Variants in TENM2 observed in about 807,000 individuals in gnomAD.
TENM2 encodes teneurin-2.
Under a neutral mutation model 245.2 loss-of-function variants are expected in TENM2, and 52 were observed. The observed-to-expected ratio is 0.21, with a 90% CI of 0.17 to 0.27. The LOEUF (loss-of-function observed/expected upper bound fraction) is 0.27, where lower values mean the gene tolerates loss of function less well. TENM2 is among the 10% of genes least tolerant of loss of function. The pLI is 1.00. For missense variants in TENM2, 3,046 were observed against 3,666.8 expected, an observed-to-expected ratio of 0.83 and a Z score of 4.37; for synonymous variants, 1,363 against 1,438.9, an observed-to-expected ratio of 0.95 and a Z score of 1.19.
At chr5:167,069,124 A>G in the TENM2 span, among the ~76,000 whole-genome samples, 6 of 152,194 alleles carry the variant, frequency 3.9e-5, no homozygotes. Context: ...TTGTAATATC[A>G]TTCTCTTTAT....
intron 2 of TENM2, among the ~76,000 whole-genome samples, chr5:167,872,247 TG>T (rs1294619155): frequency 1.4e-5 from 2 of 143,154 alleles, no homozygotes; most frequent in Admixed American, 1.5e-4. Context: ...TGCTCCAGCG[TG>T]AGCAACAAGC....
At chr5:167,441,758 A>G (rs759923316) in intron 2 of TENM2, among the ~76,000 whole-genome samples, 9 of 152,216 alleles carry the variant, frequency 5.9e-5, no homozygotes, top group Non-Finnish European at 1.0e-4. Flanking sequence ...TCTCTACTTC[A>G]TAATAATTTT....
At chr5:167,855,361 C>T (rs1319175953) in intron 2 of TENM2, among the ~76,000 whole-genome samples, 2 of 152,142 alleles carry the variant, frequency 1.3e-5, no homozygotes, top group Non-Finnish European at 2.9e-5. Flanking sequence ...ACTCTCCTTA[C>T]CTTTCTCTAC....
intron 2 of TENM2, among the ~76,000 whole-genome samples, chr5:167,813,823 T>A (rs1033876951): frequency 2.0e-5 from 3 of 152,148 alleles, no homozygotes; most frequent in Non-Finnish European, 2.9e-5. Context: ...AATTTTTAAA[T>A]CCTTGAACCT....
At chr5:167,646,491 T>C (rs1325838186) in intron 2 of TENM2, among the ~76,000 whole-genome samples, 1 of 151,558 alleles carries the variant, frequency 6.6e-6, no homozygotes, top group African/African-American at 2.4e-5. Context: ...TAAGAGGTAG[T>C]TCTGAGGAAA....
At chr5:167,370,081 G>C (rs967647636) in intron 1 of TENM2, among the ~76,000 whole-genome samples, 3 of 152,042 alleles carry the variant, frequency 2.0e-5, no homozygotes, top group African/African-American at 7.2e-5. Flanking sequence ...GGTGGCTCAC[G>C]CCTGTAATCC....
chr5:167,021,622 A>C, the TENM2 span, among the ~76,000 whole-genome samples: 2 of 152,240 alleles, frequency 1.3e-5, no homozygotes, highest in African/African-American at 2.4e-5. Context: ...TGTATATAGC[A>C]GATCTTTGTT....
the TENM2 span, among the ~76,000 whole-genome samples, chr5:167,061,657 A>C: frequency 2.0e-5 from 3 of 152,258 alleles, no homozygotes; most frequent in African/African-American, 4.8e-5. Flanking sequence ...AAAGAGTAAA[A>C]AATATTCAAG....
intron 24 of TENM2, 30 bp from the exon 27 acceptor site, chr5:168,227,865 C>A: frequency 7.0e-7 from 1 of 1,428,858 alleles, no homozygotes; most frequent in Non-Finnish European, 9.7e-7. Flanking sequence ...ATTTATTTCC[C>A]TATCCCCACC....
chr5:167,740,176 CT>C (rs915698997), intron 2 of TENM2, among the ~76,000 whole-genome samples: 3 of 152,170 alleles, frequency 2.0e-5, no homozygotes, highest in African/African-American at 7.2e-5. Flanking sequence ...AAGAAATCAC[CT>C]CTCCAAATCG....
chr5:167,291,423 C>CAT (rs1408526610), intron 1 of TENM2, among the ~76,000 whole-genome samples: 1 of 152,232 alleles, frequency 6.6e-6, no homozygotes, highest in Admixed American at 6.5e-5. Context: ...TTCTCATTCT[C>CAT]ATATATTGGC....
the TENM2 span, among the ~76,000 whole-genome samples, chr5:166,988,846 A>T: frequency 6.6e-6 from 1 of 152,162 alleles, no homozygotes; most frequent in Admixed American, 6.5e-5. Flanking sequence ...CTTGCTTCTA[A>T]CGGTCCCTGG....
At chr5:167,398,382 CTTTCTTT>C (rs2127380507) in intron 2 of TENM2, among the ~76,000 whole-genome samples, 1 of 22,966 alleles carries the variant, frequency 4.4e-5, no homozygotes, top group African/African-American at 4.7e-4. Context: ...TTCTTCCTTT[CTTTCTTT>C]CTTTCTTTCT....
At chr5:167,547,865 G>T (rs1288992569) in intron 2 of TENM2, among the ~76,000 whole-genome samples, 2 of 152,176 alleles carry the variant, frequency 1.3e-5, no homozygotes, top group Non-Finnish European at 2.9e-5. Context: ...CAAAGGGAAA[G>T]GTGGAGACAA....
chr5:167,999,023 C>A (rs956130260), intron 5 of TENM2, among the ~76,000 whole-genome samples: 1 of 152,140 alleles, frequency 6.6e-6, no homozygotes, highest in Non-Finnish European at 1.5e-5. Context: ...TCTCACTGAA[C>A]AGAGCAGGTT....
intron 2 of TENM2, among the ~76,000 whole-genome samples, chr5:167,737,031 C>T (rs1439675610): frequency 6.6e-6 from 1 of 152,202 alleles, no homozygotes; most frequent in Non-Finnish European, 1.5e-5. Context: ...GCCATAGAAG[C>T]AGTCCGCCTC....
intron 2 of TENM2, among the ~76,000 whole-genome samples, chr5:167,601,530 C>T (rs544829598): frequency 3.0e-4 from 46 of 152,266 alleles, no homozygotes; most frequent in Non-Finnish European, 5.4e-4. Context: ...ACATTTACTC[C>T]GTGAGCTTCA....
At chr5:167,593,423 T>G (rs1276403993) in intron 2 of TENM2, among the ~76,000 whole-genome samples, 1 of 152,206 alleles carries the variant, frequency 6.6e-6, no homozygotes, top group Middle Eastern at 3.2e-3. Context: ...GTCATTTTCT[T>G]ATGAACATAA....
intron 5 of TENM2, among the ~76,000 whole-genome samples, chr5:168,042,971 C>T (rs1326168226): frequency 3.3e-5 from 5 of 152,284 alleles, no homozygotes; most frequent in South Asian, 4.1e-4. Context: ...CTCTCTGAAG[C>T]GGAGCCTGTC....
Sources: gnomAD v4.1 joint callset for allele counts (sites outside exome capture counted in the v4.1 genomes callset) on GRCh38, gnomAD v4.1.1 for gene constraint, MANE v1.5 for transcripts, NCBI Gene and HGNC (gene_info 2026-07-23, HGNC 2026-07-21) for gene names.